The following RNF17 variants were observed in gnomAD, a reference collection of about 807,000 sequenced individuals.
RNF17 encodes the protein spermatogenesis associated 23.
In RNF17, 31 loss-of-function variants were observed where a neutral mutation model predicts 200.5. That is an observed-to-expected ratio of 0.15 (90% CI 0.12 to 0.21). RNF17 has a LOEUF of 0.21. RNF17 is among the 10% of genes least tolerant of loss of function. The pLI, the probability that RNF17 is intolerant of heterozygous loss-of-function variation, is 1.00. For synonymous variants in RNF17, 606 were observed against 637.8 expected, an observed-to-expected ratio of 0.95 and a Z score of 0.75; for missense variants, 1,628 against 1,905.1, an observed-to-expected ratio of 0.85 and a Z score of 2.71.
intron 6 of RNF17, 93 bp downstream of exon 6, chr13:24,782,037 T>A: frequency 1.2e-6 from 1 of 836,106 alleles, no homozygotes; most frequent in Non-Finnish European, 2.0e-6. Context: ...AATGGGTAAC[T>A]TTTAAACAAG....
chr13:24,780,898 A>T (rs1234203094), intron 5 of RNF17, among the ~76,000 whole-genome samples: 6 of 151,686 alleles, frequency 4.0e-5, no homozygotes, highest in Non-Finnish European at 5.9e-5. Context: ...AAAAAATTAA[A>T]AATTAATAAA....
intron 2 of RNF17, among the ~76,000 whole-genome samples, chr13:24,769,963 A>G (rs976480169): frequency 5.9e-5 from 9 of 152,320 alleles, no homozygotes; most frequent in African/African-American, 1.7e-4. Flanking sequence ...GCACAGCAAA[A>G]TGACAGATTT....
rs534857579 is a variant in RNF17, at chr13:24,860,653, A to G, written c.3775-615A>G. Among the ~76,000 whole-genome samples, 4 of 152,278 alleles carry G rather than the reference A, an allele frequency of 2.6e-5. No homozygotes were observed. In the East Asian group the frequency reaches 7.7e-4, roughly 29 times the overall value. On this transcript the variant is annotated intron_variant, in intron 26 of 35. Coordinates refer to ENST00000255324, the MANE Select transcript of RNF17 (RefSeq NM_031277.3). ...ATTGGCATTCCTTATCCTTAAGACA[A>G]TTTAGAAATTGAATTATCAAAATTA...
intron 18 of RNF17, among the ~76,000 whole-genome samples, chr13:24,837,777 C>CA (rs1890169854): frequency 6.6e-6 from 1 of 151,972 alleles, no homozygotes; most frequent in Non-Finnish European, 1.5e-5. Flanking sequence ...GGTCACATCT[C>CA]AAGGACTAGA....
downstream of RNF17, among the ~76,000 whole-genome samples, chr13:24,881,925 GATATATAGATACATCTAT>G (rs1474426339): frequency 2.5e-4 from 18 of 72,028 alleles, no homozygotes; most frequent in East Asian, 1.6e-3. Context: ...CATCTATATA[GATATATAGATACATCTAT>G]ATAGATATAT....
chr13:24,849,235 A>G (rs1257607143), intron 22 of RNF17, among the ~76,000 whole-genome samples: 1 of 152,198 alleles, frequency 6.6e-6, no homozygotes, highest in East Asian at 1.9e-4. Context: ...TAGAAACCAT[A>G]TTTAGAGAGC....
intron 6 of RNF17, among the ~76,000 whole-genome samples, chr13:24,783,953 T>C (rs1882768022): frequency 6.6e-6 from 1 of 152,236 alleles, no homozygotes; most frequent in South Asian, 2.1e-4. Flanking sequence ...TTGTGCCTAA[T>C]GTTATAAGAA....
At position 24,789,741 on chromosome 13, in the gene RNF17, A is replaced by G. The variant is rs1323224008; in HGVS notation, c.904A>G (p.Met302Val). The G allele has an allele frequency of 6.2e-7, 1 of 1,601,076 alleles. No individual in the cohort carries two copies. The highest frequency in any genetic ancestry group is 2.2e-5 in the East Asian group (1 of 44,696). ...CSEIICMFNNMGKIEFRDSTK... is the reference protein window; with the variant it reads ...CSEIICMFNNVGKIEFRDSTK... Reference sequence around the variant, plus strand: ...TGAGATCATCTGTATGTTCAACAATATGGGAAAGATTGAATTTAGGGACTC... The same window carrying G: ...TGAGATCATCTGTATGTTCAACAATGTGGGAAAGATTGAATTTAGGGACTC... Residue 302 changes from methionine (M) to valine (V), a missense_variant, in exon 9 of 36, where the codon ATG becomes GTG. Transcript: ENST00000255324.
rs140909391 is a variant in RNF17, at chr13:24,856,813, C to T, written c.3611-2188C>T. On this transcript the variant is annotated intron_variant, in intron 25 of 35. Transcript: ENST00000255324. ...AGTTACTTTGTTGTGTATCCTATAA[C>T]GCTTGAAATCCATTGGATTTCTTGT... is the stretch of plus-strand genomic sequence containing the variant. Among the ~76,000 whole-genome samples, 420 of 152,258 alleles carry T rather than the reference C, an allele frequency of 2.8e-3. 5 individuals carry two copies. Among genetic ancestry groups the T allele is most frequent in the African/African-American group, 9.7e-3 (402 of 41,540 alleles).
rs570448008 is a variant in RNF17, at chr13:24,866,590, T to C, written c.4161+387T>C. On this transcript the variant is annotated intron_variant, in intron 30 of 35. Coordinates refer to ENST00000255324, the MANE Select transcript of RNF17 (RefSeq NM_031277.3). ...TAACATTTTCAAGGTTCATACATGT[T>C]GTATATATATCAGTGCTTCACTTCT... Among the ~76,000 whole-genome samples, 7 of 152,334 alleles carry C rather than the reference T, an allele frequency of 4.6e-5. No homozygotes were observed. In the South Asian group the frequency reaches 1.4e-3, roughly 32 times the overall value.
intron 15 of RNF17, among the ~76,000 whole-genome samples, chr13:24,813,108 A>G (rs1242814762): frequency 6.6e-6 from 1 of 152,188 alleles, no homozygotes; most frequent in Non-Finnish European, 1.5e-5. Context: ...TCTTTGAAGA[A>G]ATAGCCATTC....
chr13:24,815,829 T>G (rs1302380602), intron 15 of RNF17, among the ~76,000 whole-genome samples: 1 of 152,104 alleles, frequency 6.6e-6, no homozygotes, highest in Admixed American at 6.6e-5. Flanking sequence ...GATGATCATG[T>G]TTTGGTCTTT....
chr13:24,854,467 A>AT (rs11395842), intron 25 of RNF17, among the ~76,000 whole-genome samples: 34,664 of 148,830 alleles, frequency 0.23, 4,377 homozygotes, highest in Non-Finnish European at 0.3. Flanking sequence ...TCAGATGCCA[A>AT]TTTTTTTTTT....
intron 12 of RNF17, 70 bp from the exon 13 acceptor site, chr13:24,800,296 C>T: frequency 9.2e-7 from 1 of 1,087,936 alleles, no homozygotes; most frequent in Non-Finnish European, 1.3e-6. Flanking sequence ...AAATGCATAC[C>T]TTCTGTGGGG....
At chr13:24,840,881 A>T (rs1890562725) in intron 18 of RNF17, among the ~76,000 whole-genome samples, 1 of 152,114 alleles carries the variant, frequency 6.6e-6, no homozygotes, top group African/African-American at 2.4e-5. Flanking sequence ...CCTATAACTT[A>T]ATGGAAAAAA....
chr13:24,831,166 C>T (rs760964346), intron 17 of RNF17, among the ~76,000 whole-genome samples: 3 of 152,014 alleles, frequency 2.0e-5, no homozygotes, highest in Non-Finnish European at 4.4e-5. Context: ...GCAGGTTGGG[C>T]GCAGTGGCTC....
chr13:24,767,085 C>T (rs541475244), intron 1 of RNF17, among the ~76,000 whole-genome samples, 187 bp from the exon 2 acceptor site: 114 of 152,192 alleles, frequency 7.5e-4, no homozygotes, highest in African/African-American at 2.5e-3. Context: ...TAAAATTAGC[C>T]GGGTGTGTTG....
rs1170082138 is a variant in RNF17 at position 24,860,877 on chromosome 13, A to ATG, written c.3775-389_3775-388dup. Among the ~76,000 whole-genome samples, 7 of 140,130 alleles carry ATG rather than the reference A, an allele frequency of 5.0e-5. No individual in the cohort carries two copies. In the South Asian group the frequency reaches 9.0e-4, roughly 18 times the overall value. The allele number at this position is 140,130 out of a possible 152,430, so 91.9% of individuals were successfully genotyped here. A position where few individuals can be genotyped will look rare whatever the true frequency, so the allele number is the denominator to read the frequency against. ...GAAATCCAGATTTTAAACTTTTCAG[A>ATG]TGTCTTTTTTTTTTTTTTGAAACAA... On this transcript the variant is annotated intron_variant, in intron 26 of 35. Transcript: ENST00000255324.
intron 19 of RNF17, 49 bp downstream of exon 19, chr13:24,842,210 A>G: frequency 3.4e-6 from 5 of 1,491,646 alleles, no homozygotes; most frequent in South Asian, 1.3e-5. Flanking sequence ...CTTATGTAAC[A>G]TTGTAATCAC....
Sources: allele counts gnomAD v4.1 joint callset (sites outside exome capture counted in the v4.1 genomes callset), GRCh38; gene constraint gnomAD v4.1.1; transcripts MANE v1.5; gene names NCBI Gene and HGNC (gene_info 2026-07-23, HGNC 2026-07-21).